Variants in DDR2 observed in about 807,000 individuals in gnomAD.
The protein encoded by DDR2 is discoidin domain receptor tyrosine kinase 2.
A neutral mutation model predicts 94.9 loss-of-function variants in DDR2; 27 were observed. The ratio of observed to expected loss-of-function variants is 0.28; its 90% CI spans 0.21 to 0.39. DDR2 has a LOEUF of 0.39. DDR2 is among the 10% of genes least tolerant of loss of function. The probability of loss-of-function intolerance (pLI) is 1.00; values close to 1 mark genes in which losing one functional copy is unlikely to be tolerated. For missense variants in DDR2, 783 were observed against 1,076.0 expected (o/e 0.73, Z 3.81); for synonymous variants, 382 against 377.2 (o/e 1.01, Z -0.15).
chr1:162,765,933 A>G (rs1414298652), intron 9 of DDR2, 68 bp from the exon 10 acceptor site: 10 of 1,453,340 alleles, frequency 6.9e-6, no homozygotes, highest in Non-Finnish European at 9.7e-6. Context: ...AGGTCACAAT[A>G]TGCCTTCAGA....
In DDR2 at chr1:162,770,340, C is replaced by T. The variant is rs2102180763; in HGVS notation, c.1332C>T (p.Ser444=). The T allele has an allele frequency of 1.9e-6, 3 of 1,614,064 alleles. No homozygotes were observed. Among genetic ancestry groups the T allele is most frequent in the Non-Finnish European group, 2.5e-6 (3 of 1,180,014 alleles). The change falls in exon 12 of 18, where the codon AGC becomes AGT. Residue 444 remains serine, a synonymous_variant. Coordinates refer to ENST00000367921, the MANE Select transcript of DDR2 (RefSeq NM_006182.4). The stretch of plus-strand genomic sequence containing the variant: ...TGCTGGATGATGAAATGACAGTCAG[C>T]CTTTCCCTGCCAAGTGATTCTAGCA... ...RRMLDDEMTV[S]LSLPSDSSMF...
intron 16 of DDR2, among the ~76,000 whole-genome samples, chr1:162,777,562 G>A (rs2102202877): frequency 6.6e-6 from 1 of 152,122 alleles, no homozygotes; most frequent in South Asian, 2.1e-4. Flanking sequence ...GGGATAGTTA[G>A]GCATTACTCT....
rs769024047 is a variant in DDR2 at position 162,778,639 on chromosome 1, C to T, written c.2343C>T (p.Phe781=). ...TTGGGGTTACTTTGTGGGAGACTTT[C>T]ACCTTTTGTCAAGAACAGCCCTATT... ...WAFGVTLWET[F]TFCQEQPYSQ... is the part of the protein sequence containing the mutation. The change falls in exon 17 of 18, where the codon TTC becomes TTT. Residue 781 remains phenylalanine (F), a synonymous_variant. Coordinates refer to ENST00000367921, the MANE Select transcript of DDR2 (RefSeq NM_006182.4). 1 of 1,614,042 alleles carries T rather than the reference C, an allele frequency of 6.2e-7. No individual in the cohort carries two copies. Among genetic ancestry groups the T allele is most frequent in the South Asian group, 1.1e-5 (1 of 91,076 alleles).
In DDR2 at chr1:162,755,320, G is replaced by C; in HGVS notation, c.565+17G>C. ...TCTGGCTAGGTAGGTCACTAGCCCA[G>C]GAAGCCTATAGACTTTATTAAAAAC... On this transcript the variant is annotated intron_variant, in intron 6 of 17. Coordinates refer to ENST00000367921, the MANE Select transcript of DDR2 (RefSeq NM_006182.4). The C allele has an allele frequency of 6.2e-7, 1 of 1,613,424 alleles. No homozygotes were observed. Among genetic ancestry groups the C allele is most frequent in the Non-Finnish European group, 8.5e-7 (1 of 1,179,964 alleles).
At chr1:162,733,049 T>C (rs530298025) in intron 3 of DDR2, among the ~76,000 whole-genome samples, 3 of 152,280 alleles carry the variant, frequency 2.0e-5, no homozygotes, top group East Asian at 3.9e-4. Flanking sequence ...TCCGGGAGAT[T>C]GGTGGGTAGC....
At chr1:162,656,632 G>T (rs565733742) in intron 2 of DDR2, among the ~76,000 whole-genome samples, 1 of 151,584 alleles carries the variant, frequency 6.6e-6, no homozygotes, top group South Asian at 2.1e-4. Context: ...TCTTGGTATG[G>T]GGGAGTTAAG....
intron 2 of DDR2, among the ~76,000 whole-genome samples, chr1:162,699,049 C>G (rs1423005845): frequency 6.7e-6 from 1 of 150,252 alleles, no homozygotes; most frequent in East Asian, 1.9e-4. Context: ...CTTATTTAAC[C>G]AAGGTTGTCT....
At chr1:162,746,715 T>G (rs1278158954) in intron 3 of DDR2, among the ~76,000 whole-genome samples, 1 of 152,186 alleles carries the variant, frequency 6.6e-6, no homozygotes, top group African/African-American at 2.4e-5. Context: ...GGGAGACACC[T>G]CCCAGTAGGG....
intron 2 of DDR2, among the ~76,000 whole-genome samples, chr1:162,665,523 C>T (rs759518028): frequency 3.3e-5 from 5 of 151,744 alleles, no homozygotes; most frequent in Admixed American, 6.6e-5. Context: ...TTTATAATGC[C>T]GTCCTCAGTG....
In DDR2 at chr1:162,776,325, G is replaced by A. The variant is rs779196661; in HGVS notation, c.2238G>A (p.Arg746=). Residue 746 remains arginine (R), a synonymous_variant, in exon 16 of 18, where the codon CGG becomes CGA. Coordinates refer to ENST00000367921, the MANE Select transcript of DDR2 (RefSeq NM_006182.4). ...YSGDYYRIQG[R]AVLPIRWMSW... is the part of the protein sequence containing the mutation. The stretch of plus-strand genomic sequence containing the variant: ...GTGACTATTACCGGATCCAGGGCCG[G>A]GCAGTGCTCCCTATCCGCTGGATGT... 6.2e-7 allele frequency: 1 copy of A among 1,614,018 alleles called. No homozygotes were observed. Among genetic ancestry groups the A allele is most frequent in the African/African-American group, 1.3e-5 (1 of 75,020 alleles).
chr1:162,683,527 C>T (rs540833416), intron 2 of DDR2, among the ~76,000 whole-genome samples: 13 of 152,158 alleles, frequency 8.5e-5, no homozygotes, highest in South Asian at 2.1e-4. Flanking sequence ...ATCAATTGTA[C>T]GTCTACATAC....
At chr1:162,708,987 C>T (rs1660776151) in intron 2 of DDR2, among the ~76,000 whole-genome samples, 1 of 152,164 alleles carries the variant, frequency 6.6e-6, no homozygotes, top group Non-Finnish European at 1.5e-5. Flanking sequence ...ATTTATGAGA[C>T]AGGTACTAGG....
intron 2 of DDR2, among the ~76,000 whole-genome samples, chr1:162,684,650 T>C (rs1000647554): frequency 6.6e-6 from 1 of 152,124 alleles, no homozygotes; most frequent in African/African-American, 2.4e-5. Flanking sequence ...AGATAGATGC[T>C]CTGTCTCCCA....
Position 162,776,159 on chromosome 1 carries a change from C to T in DDR2, c.2072C>T (p.Ala691Val), listed in dbSNP as rs2102198268. The change falls in exon 16 of 18, where the codon GCT becomes GTT. Residue 691 changes from alanine to valine, a missense_variant. By Grantham distance (64) the Ala-to-Val change is moderately conservative. This residue lies in a region of DDR2 where 264 missense variants were observed against 428.2 expected (regional missense o/e 0.62). Transcript: ENST00000367921. ...TVSYTNLKFM[A>V]TQIASGMKYL... is the part of the protein sequence containing the mutation. ...AGTTACACCAATCTGAAGTTTATGG[C>T]TACCCAAATTGCCTCTGGCATGAAG... The T allele has an allele frequency of 6.2e-7, 1 of 1,613,900 alleles. No individual in the cohort carries two copies. Among genetic ancestry groups the T allele is most frequent in the Non-Finnish European group, 8.5e-7 (1 of 1,179,936 alleles).
At chr1:162,763,634 A>G (rs1327592410) in intron 9 of DDR2, among the ~76,000 whole-genome samples, 1 of 152,114 alleles carries the variant, frequency 6.6e-6, no homozygotes, top group Non-Finnish European at 1.5e-5. Flanking sequence ...CGTGGAATCA[A>G]CCATTTCAAG....
intron 2 of DDR2, among the ~76,000 whole-genome samples, chr1:162,662,281 A>G (rs530334351): frequency 6.6e-5 from 10 of 152,332 alleles, no homozygotes; most frequent in African/African-American, 1.9e-4. Flanking sequence ...AGGATGCAGG[A>G]AAAACCTGAA....
chr1:162,740,652 A>T (rs1475745476), intron 3 of DDR2, among the ~76,000 whole-genome samples: 1 of 152,134 alleles, frequency 6.6e-6, no homozygotes. Flanking sequence ...CACATTATAT[A>T]TTTATTTGCT....
intron 2 of DDR2, among the ~76,000 whole-genome samples, chr1:162,693,459 A>G (rs1357048563): frequency 1.3e-5 from 2 of 152,174 alleles, no homozygotes. Flanking sequence ...TCAAACAAAG[A>G]CATTTTGAGA....
At chr1:162,734,038 A>C (rs1662182131) in intron 3 of DDR2, among the ~76,000 whole-genome samples, 1 of 152,232 alleles carries the variant, frequency 6.6e-6, no homozygotes, top group Admixed American at 6.5e-5. Context: ...CCGGAATGTA[A>C]GATCCATGAG....
Sources: allele counts gnomAD v4.1 joint callset (sites outside exome capture counted in the v4.1 genomes callset), GRCh38; gene constraint gnomAD v4.1.1; regional missense constraint gnomAD v4.1.1; transcripts MANE v1.5; gene names NCBI Gene and HGNC (gene_info 2026-07-23, HGNC 2026-07-21).